The following TBK1 variants were observed in gnomAD, a reference collection of about 807,000 sequenced individuals.
TBK1 encodes the protein TANK binding kinase 1, also known as serine/threonine-protein kinase TBK1.
In TBK1, 37 loss-of-function variants were observed where a neutral mutation model predicts 99.9. That is an observed-to-expected ratio of 0.37 (90% CI 0.28 to 0.49). The LOEUF is 0.49. Among genes scored for constraint, TBK1 ranks in the 20% least tolerant of loss-of-function variants. The probability of loss-of-function intolerance (pLI) is 0.98; values close to 1 mark genes in which losing one functional copy is unlikely to be tolerated. For synonymous variants in TBK1, 258 were observed against 279.8 expected (o/e 0.92, Z 0.78); for missense variants, 644 against 872.5 (o/e 0.74, Z 3.30).
chr12:64,464,904 C>A (rs1203196226), intron 4 of TBK1, among the ~76,000 whole-genome samples: 1 of 151,942 alleles, frequency 6.6e-6, no homozygotes, highest in Non-Finnish European at 1.5e-5. Context: ...CTCATCAAAA[C>A]CACAATGAAA....
chr12:64,481,852 G>A lies in TBK1; in HGVS notation c.823G>A (p.Val275Ile). The A allele has an allele frequency of 6.3e-7, 1 of 1,589,680 alleles. No homozygotes were observed. The highest frequency in any genetic ancestry group is 8.5e-7 in the Non-Finnish European group (1 of 1,170,140). Residue 275 changes from valine to isoleucine, a missense_variant, in exon 8 of 21, where the codon GTT becomes ATT. By Grantham distance (29) the Val-to-Ile change is conservative. Coordinates refer to ENST00000331710, the MANE Select transcript of TBK1 (RefSeq NM_013254.4). Reference sequence around the variant, plus strand: ...TCAATACTATTTTAGGGGTCTTCAGGTTCTACTTACCCCTGTTCTTGCAAA... The same window carrying A: ...TCAATACTATTTTAGGGGTCTTCAGATTCTACTTACCCCTGTTCTTGCAAA... The part of the protein sequence containing the change: ...VSCSLSRGLQ[V>I]LLTPVLANIL...
chr12:64,488,536 G>GT lies in TBK1; in HGVS notation c.1392dup (p.Val465CysfsTer12). 6.2e-7 allele frequency: 1 copy of GT among 1,605,136 alleles called. No individual in the cohort carries two copies. Among genetic ancestry groups the GT allele is most frequent in the Non-Finnish European group, 8.5e-7 (1 of 1,176,978 alleles). ...TGAAACTGTTCACAAAAAGACAGAAGTTGTGATCACATTGGATTTCTGTAT... is the reference window on the plus strand; with the variant it reads ...TGAAACTGTTCACAAAAAGACAGAAGTTTGTGATCACATTGGATTTCTGTAT... On this transcript the variant is annotated frameshift_variant, in exon 12 of 21. Coordinates refer to ENST00000331710, the MANE Select transcript of TBK1 (RefSeq NM_013254.4). LOFTEE classifies it high-confidence loss of function.
At chr12:64,490,008 T>A in intron 12 of TBK1, 33 bp from the exon 13 acceptor site, 4 of 1,355,502 alleles carry the variant, frequency 3.0e-6, no homozygotes, top group Non-Finnish European at 4.1e-6. Context: ...TTGATTATAC[T>A]CATTTAATTT....
intron 13 of TBK1, 38 bp from the exon 14 acceptor site, chr12:64,495,444 CT>C (rs774026717): frequency 6.2e-7 from 1 of 1,604,848 alleles, no homozygotes; most frequent in Non-Finnish European, 8.5e-7. Flanking sequence ...TCATTTCTGG[CT>C]TTTGGCAATC....
intron 3 of TBK1, 120 bp downstream of exon 3, chr12:64,460,449 C>CCTG: frequency 1.5e-6 from 1 of 663,302 alleles, no homozygotes; most frequent in Non-Finnish European, 2.4e-6. Flanking sequence ...CAACCAAATA[C>CCTG]TTTATCCTAA....
intron 9 of TBK1, 31 bp from the exon 10 acceptor site, chr12:64,485,420 TTTTC>T (rs1301156934): frequency 8.3e-7 from 1 of 1,205,302 alleles, no homozygotes. Flanking sequence ...TTTCAAAAAG[TTTTC>T]TTTCTCATTT....
intron 13 of TBK1, 25 bp downstream of exon 13, chr12:64,490,144 T>C (rs752071595): frequency 5.9e-6 from 9 of 1,535,860 alleles, no homozygotes; most frequent in African/African-American, 1.4e-5. Context: ...AATTACGAAA[T>C]TTGTAAGCTC....
chr12:64,464,320 A>ATTTTTTTT lies in TBK1; in HGVS notation c.229-11_229-4dup. On this transcript the variant is annotated splice_polypyrimidine_tract_variant and intron_variant, in intron 3 of 20. Coordinates refer to ENST00000331710, the MANE Select transcript of TBK1 (RefSeq NM_013254.4). ...TTTTTATGTTGATTCCCAATCAATG[A>ATTTTTTTT]TTTTTTTTTTCAGACAACAACAAGA... 1 of 1,210,062 alleles carries ATTTTTTTT rather than the reference A, an allele frequency of 8.3e-7. No individual in the cohort carries two copies. 75.0% of individuals were successfully genotyped at this position (1,210,062 alleles called of 1,614,324 possible).
In TBK1 at chr12:64,501,451, C is replaced by A; in HGVS notation, c.*70C>A. The A allele has an allele frequency of 1.4e-6, 2 of 1,437,940 alleles. No homozygotes were observed. Among genetic ancestry groups the A allele is most frequent in the Non-Finnish European group, 1.9e-6 (2 of 1,030,606 alleles). 89.1% of individuals were successfully genotyped at this position (1,437,940 alleles called of 1,614,324 possible). ...ATAACGCTTGGGCATTAAATGAATG[C>A]CTTTATAGATAGTCACTTGTTTCTA... On this transcript the variant is annotated 3_prime_UTR_variant, in exon 21 of 21. Coordinates refer to ENST00000331710, the MANE Select transcript of TBK1 (RefSeq NM_013254.4).
At position 64,495,695 on chromosome 12, in the gene TBK1, A is replaced by G; in HGVS notation, c.1644-4A>G. On this transcript the variant is annotated splice_region_variant and splice_polypyrimidine_tract_variant and intron_variant, in intron 14 of 20. Transcript: ENST00000331710. ...ATTTATTTGAGTTTTTCTTCCTTAAATAGTGTAGAAAAACTACAAGTCCTG... is the reference window on the plus strand; with the variant it reads ...ATTTATTTGAGTTTTTCTTCCTTAAGTAGTGTAGAAAAACTACAAGTCCTG... 1 of 1,611,198 alleles carries G rather than the reference A, an allele frequency of 6.2e-7. No individual in the cohort carries two copies. The highest frequency in any genetic ancestry group is 8.5e-7 in the Non-Finnish European group (1 of 1,178,996).
At chr12:64,463,334 C>G (rs561217916) in intron 3 of TBK1, among the ~76,000 whole-genome samples, 2 of 150,984 alleles carry the variant, frequency 1.3e-5, no homozygotes, top group Non-Finnish European at 2.9e-5. Flanking sequence ...GAGCCGAGAT[C>G]GCGCCACTGC....
chr12:64,489,364 T>A (rs779204748), intron 12 of TBK1, among the ~76,000 whole-genome samples: 2 of 152,218 alleles, frequency 1.3e-5, no homozygotes, highest in Non-Finnish European at 1.5e-5. Context: ...AATATACTAT[T>A]TGTACTGCAG....
In TBK1 at chr12:64,497,263, G is replaced by C; in HGVS notation, c.1959+4G>C. The C allele has an allele frequency of 6.6e-7, 1 of 1,524,536 alleles. No homozygotes were observed. The highest frequency in any genetic ancestry group is 8.8e-7 in the Non-Finnish European group (1 of 1,132,700). The allele number at this position is 1,524,536 out of a possible 1,614,324, so 94.4% of individuals were successfully genotyped here. A position where few individuals can be genotyped will look rare whatever the true frequency, so the allele number is the denominator to read the frequency against. On this transcript the variant is annotated splice_donor_region_variant and intron_variant, in intron 18 of 20. Transcript: ENST00000331710. ...ATATCAAGAATATACTAATGAGGTA[G>C]GTACAGCTGTCAAGGAAAAATTAAA...
At chr12:64,486,811 C>T (rs528298848) in intron 11 of TBK1, among the ~76,000 whole-genome samples, 21 of 152,178 alleles carry the variant, frequency 1.4e-4, no homozygotes, top group African/African-American at 4.6e-4. Context: ...GTTGTGCAGC[C>T]ATCATCACTA....
At chr12:64,489,424 C>G (rs1478753946) in intron 12 of TBK1, among the ~76,000 whole-genome samples, 1 of 152,130 alleles carries the variant, frequency 6.6e-6, no homozygotes. Context: ...TTCATTAATT[C>G]TGAAATGTAT....
chr12:64,454,634 A>G (rs1225726644), intron 1 of TBK1, among the ~76,000 whole-genome samples: 1 of 147,774 alleles, frequency 6.8e-6, no homozygotes, highest in African/African-American at 2.5e-5. Flanking sequence ...CAAAGCTCAT[A>G]CAGCATTTTA....
chr12:64,481,390 A>G (rs2040766383), intron 7 of TBK1, among the ~76,000 whole-genome samples: 1 of 152,316 alleles, frequency 6.6e-6, no homozygotes, highest in South Asian at 2.1e-4. Context: ...GCCAGAAAGT[A>G]TATTATATAA....
intron 6 of TBK1, among the ~76,000 whole-genome samples, chr12:64,476,919 A>G (rs900776397): frequency 1.5e-4 from 23 of 152,190 alleles, no homozygotes; most frequent in African/African-American, 5.1e-4. Context: ...TTTTTCGAAT[A>G]GGGTATCCTT....
At chr12:64,495,297 A>G in intron 13 of TBK1, 186 bp from the exon 14 acceptor site, 1 of 612,516 alleles carries the variant, frequency 1.6e-6, no homozygotes. Context: ...TTTTATTATC[A>G]TACTGTACCC....
Sources: gnomAD v4.1 joint callset for allele counts (sites outside exome capture counted in the v4.1 genomes callset) on GRCh38, gnomAD v4.1.1 for gene constraint, MANE v1.5 for transcripts, NCBI Gene and HGNC (gene_info 2026-07-23, HGNC 2026-07-21) for gene names.